Variants in VTI1A observed in about 807,000 individuals in gnomAD.
VTI1A encodes vesicle transport through interaction with t-SNAREs 1A.
VTI1A carries 22 observed loss-of-function variants against 34.9 expected under a neutral mutation model. That is an observed-to-expected ratio of 0.63 (90% CI 0.45 to 0.90). The LOEUF is 0.90. VTI1A is among the 40% of genes least tolerant of loss of function. The pLI is 0.00. For missense variants in VTI1A, 268 were observed against 275.6 expected (o/e 0.97, Z 0.20); for synonymous variants, 87 against 97.3 (o/e 0.89, Z 0.62).
intron 5 of VTI1A, among the ~76,000 whole-genome samples, chr10:112,598,670 A>C (rs1844763737): frequency 6.6e-6 from 1 of 152,322 alleles, no homozygotes; most frequent in Non-Finnish European, 1.5e-5. Context: ...TCAAAGACCC[A>C]AATAATGGAG....
the VTI1A span, chr10:112,831,590 G>A: frequency 7.2e-5 from 11 of 152,194 alleles, no homozygotes; most frequent in African/African-American, 2.7e-4. Context: ...TGTACCCGCC[G>A]AGCCTCCAGC....
At chr10:112,453,436 G>A (rs1387804661) in intron 1 of VTI1A, among the ~76,000 whole-genome samples, 7 of 150,122 alleles carry the variant, frequency 4.7e-5, no homozygotes, top group Admixed American at 2.0e-4. Flanking sequence ...AAGTAATTAC[G>A]TGAATTATTT....
chr10:112,697,374 A>ATTTTCTTTTC lies in VTI1A; in HGVS notation c.560+28396_560+28405dup, dbSNP rs540161393. On this transcript the variant is annotated intron_variant, in intron 7 of 7. Coordinates refer to ENST00000393077, the MANE Select transcript of VTI1A (RefSeq NM_145206.4). Reference sequence around the variant, plus strand: ...ACACCTGGCTAATTCTGTTCTTGGTATTTTCTTTTCTTTTCTTTTCTTTTC... The same window carrying ATTTTCTTTTC: ...ACACCTGGCTAATTCTGTTCTTGGTATTTTCTTTTCTTTTCTTTTCTTTTCTTTTCTTTTC... Among the ~76,000 whole-genome samples, 165 of 120,736 alleles carry ATTTTCTTTTC rather than the reference A, an allele frequency of 1.4e-3. 1 individual carries two copies. The highest frequency in any genetic ancestry group is 5.0e-3 in the Middle Eastern group (1 of 200). 79.2% of individuals were successfully genotyped at this position (120,736 alleles called of 152,430 possible).
chr10:112,633,358 C>T (rs1044404749), intron 5 of VTI1A, among the ~76,000 whole-genome samples: 23 of 152,186 alleles, frequency 1.5e-4, no homozygotes, highest in African/African-American at 4.8e-4. Flanking sequence ...CTGCTTTAAG[C>T]ATCACCAGAA....
chr10:112,519,118 G>A (rs1021477938), intron 3 of VTI1A, among the ~76,000 whole-genome samples: 8 of 151,888 alleles, frequency 5.3e-5, no homozygotes, highest in African/African-American at 1.5e-4. Context: ...AGAAACTGTC[G>A]CAACATGGGT....
chr10:112,499,874 C>T (rs1267538072), intron 3 of VTI1A, among the ~76,000 whole-genome samples: 3 of 152,126 alleles, frequency 2.0e-5, no homozygotes, highest in African/African-American at 7.2e-5. Flanking sequence ...TAAATGAGGG[C>T]CACATGGTCA....
intron 5 of VTI1A, among the ~76,000 whole-genome samples, chr10:112,546,161 A>G (rs1465702694): frequency 1.3e-5 from 2 of 150,944 alleles, no homozygotes; most frequent in Non-Finnish European, 3.0e-5. Flanking sequence ...ATATGTGTGT[A>G]TATATATACA....
At chr10:112,628,975 C>A (rs1846027683) in intron 5 of VTI1A, among the ~76,000 whole-genome samples, 1 of 152,028 alleles carries the variant, frequency 6.6e-6, no homozygotes, top group African/African-American at 2.4e-5. Flanking sequence ...CATCTCATAA[C>A]CCACACTTAA....
chr10:112,500,816 C>T (rs149635140), intron 3 of VTI1A, among the ~76,000 whole-genome samples: 16 of 152,260 alleles, frequency 1.1e-4, no homozygotes, highest in Non-Finnish European at 2.2e-4. Context: ...AAAGCTCCAC[C>T]GTTTAGAGTT....
chr10:112,742,683 A>G (rs1850734229), intron 7 of VTI1A, among the ~76,000 whole-genome samples: 2 of 152,226 alleles, frequency 1.3e-5, no homozygotes, highest in African/African-American at 4.8e-5. Context: ...CTTTAAAAAT[A>G]TGACAGAGAA....
At chr10:112,722,795 G>A (rs982294392) in intron 7 of VTI1A, among the ~76,000 whole-genome samples, 4 of 151,980 alleles carry the variant, frequency 2.6e-5, no homozygotes, top group Non-Finnish European at 4.4e-5. Flanking sequence ...ACAGCTGTCC[G>A]GGTGATGCTT....
chr10:112,516,190 GACAA>G (rs969651168), intron 3 of VTI1A, among the ~76,000 whole-genome samples: 4 of 151,992 alleles, frequency 2.6e-5, no homozygotes, highest in African/African-American at 9.7e-5. Flanking sequence ...CCACAAATCA[GACAA>G]ACAAAGAAGA....
chr10:112,623,789 G>A (rs1398591856), intron 5 of VTI1A, among the ~76,000 whole-genome samples: 2 of 152,172 alleles, frequency 1.3e-5, no homozygotes, highest in Non-Finnish European at 2.9e-5. Context: ...TCCAGCTTCT[G>A]ATTAACAACC....
intron 3 of VTI1A, among the ~76,000 whole-genome samples, chr10:112,506,869 A>G (rs139617860): frequency 2.4e-4 from 36 of 151,624 alleles, no homozygotes; most frequent in South Asian, 6.3e-4. Flanking sequence ...TGAATGATAT[A>G]TTCACTGGAT....
At chr10:112,625,750 G>A (rs1845901263) in intron 5 of VTI1A, among the ~76,000 whole-genome samples, 1 of 152,132 alleles carries the variant, frequency 6.6e-6, no homozygotes. Flanking sequence ...GGGACTTAGG[G>A]GGAAAGGGTG....
intron 7 of VTI1A, among the ~76,000 whole-genome samples, chr10:112,702,079 A>C (rs1311485873): frequency 3.3e-5 from 5 of 152,172 alleles, no homozygotes; most frequent in African/African-American, 1.2e-4. Context: ...AGCAGGAAGC[A>C]AAGGCCTCCT....
At chr10:112,645,570 C>T (rs1430221597) in intron 5 of VTI1A, among the ~76,000 whole-genome samples, 1 of 152,148 alleles carries the variant, frequency 6.6e-6, no homozygotes, top group Admixed American at 6.5e-5. Flanking sequence ...TTTTGCGTTA[C>T]GTAAGATATG....
At chr10:112,765,697 G>T (rs1416498531) in intron 7 of VTI1A, among the ~76,000 whole-genome samples, 1 of 152,162 alleles carries the variant, frequency 6.6e-6, no homozygotes, top group Non-Finnish European at 1.5e-5. Flanking sequence ...GAAAGTAATT[G>T]TGATGACTGT....
chr10:112,448,605 GTT>G (rs3840747), intron 1 of VTI1A: 17,078 of 152,108 alleles, frequency 0.11, 1,115 homozygotes, highest in African/African-American at 0.17. Context: ...TTTTTGTTTA[GTT>G]TTGTTAGGGA....
Sources: gnomAD v4.1 joint callset for allele counts (sites outside exome capture counted in the v4.1 genomes callset) on GRCh38, gnomAD v4.1.1 for gene constraint, MANE v1.5 for transcripts, NCBI Gene and HGNC (gene_info 2026-07-23, HGNC 2026-07-21) for gene names.